The following SYT1 variants were observed in gnomAD, a reference collection of about 807,000 sequenced individuals.
SYT1 encodes the protein synaptotagmin 1.
Under a neutral mutation model 44.8 loss-of-function variants are expected in SYT1, and 8 were observed. The observed-to-expected ratio is 0.18, with a 90% CI of 0.10 to 0.32. SYT1 has a LOEUF of 0.32. SYT1 is among the 10% of genes least tolerant of loss of function. The pLI, the probability that SYT1 is intolerant of heterozygous loss-of-function variation, is 1.00. For synonymous variants in SYT1, 154 were observed against 188.8 expected, an observed-to-expected ratio of 0.82 and a Z score of 1.51; for missense variants, 286 against 509.3, an observed-to-expected ratio of 0.56 and a Z score of 4.22.
At chr12:78,938,300 G>A (rs753707080) in intron 1 of SYT1, among the ~76,000 whole-genome samples, 31 of 152,098 alleles carry the variant, frequency 2.0e-4, no homozygotes, top group Non-Finnish European at 3.5e-4. Flanking sequence ...GATCATGCCA[G>A]TATTCAGTAA....
chr12:78,931,405 G>GAGGAAGGAAGGAAGGAAGGA (rs149496899), intron 1 of SYT1, among the ~76,000 whole-genome samples: 12 of 92,112 alleles, frequency 1.3e-4, no homozygotes, highest in African/African-American at 5.7e-4. Flanking sequence ...AGGGAGGAGA[G>GAGGAAGGAAGGAAGGAAGGA]AGGAAGGAAG....
intron 4 of SYT1, among the ~76,000 whole-genome samples, chr12:79,275,040 G>A (rs1338175031): frequency 1.3e-5 from 2 of 152,118 alleles, no homozygotes; most frequent in East Asian, 1.9e-4. Context: ...AGATCCAGAG[G>A]AGCAGGAGAA....
intron 8 of SYT1, among the ~76,000 whole-genome samples, chr12:79,302,698 C>A (rs552269564): frequency 6.6e-6 from 1 of 152,158 alleles, no homozygotes; most frequent in East Asian, 1.9e-4. Context: ...TGATCGTGTT[C>A]CGCAAATTTA....
At chr12:78,988,411 A>G (rs991696837) in intron 2 of SYT1, among the ~76,000 whole-genome samples, 5 of 146,432 alleles carry the variant, frequency 3.4e-5, no homozygotes, top group African/African-American at 1.0e-4. Context: ...TATATTATAT[A>G]TAATAAATAT....
At chr12:79,099,021 A>C (rs529638488) in intron 3 of SYT1, among the ~76,000 whole-genome samples, 1 of 152,154 alleles carries the variant, frequency 6.6e-6, no homozygotes, top group Non-Finnish European at 1.5e-5. Context: ...AATTTTCTAC[A>C]TTGTAAGCAC....
chr12:79,319,017 G>A (rs150241383), intron 8 of SYT1, among the ~76,000 whole-genome samples: 3 of 152,296 alleles, frequency 2.0e-5, no homozygotes, highest in African/African-American at 7.2e-5. Flanking sequence ...AGAATCAGAG[G>A]AGAGATGTAC....
intron 8 of SYT1, among the ~76,000 whole-genome samples, chr12:79,313,406 T>C (rs1880905426): frequency 6.6e-6 from 1 of 152,178 alleles, no homozygotes; most frequent in Admixed American, 6.5e-5. Flanking sequence ...TCTTTAGCAG[T>C]ATTTGAGGGA....
At chr12:79,391,352 A>G (rs571937992) in intron 9 of SYT1, among the ~76,000 whole-genome samples, 44 of 152,304 alleles carry the variant, frequency 2.9e-4, no homozygotes, top group African/African-American at 9.4e-4. Context: ...AAAGATATAA[A>G]ACAAAAATAA....
chr12:79,001,712 A>G (rs1414360557), intron 2 of SYT1, among the ~76,000 whole-genome samples: 2 of 152,212 alleles, frequency 1.3e-5, no homozygotes, highest in Non-Finnish European at 2.9e-5. Flanking sequence ...ATGAGAGAAC[A>G]GCATATTGTA....
Position 79,305,558 on chromosome 12 carries a change from A to T in SYT1, c.810+6007A>T, listed in dbSNP as rs1880351054. Among the ~76,000 whole-genome samples, 4 of 152,288 alleles carry T rather than the reference A, an allele frequency of 2.6e-5. No homozygotes were observed. The South Asian group carries it at 8.3e-4, about 32-fold the overall frequency. ...CTGACAAAAAAAAAAATCTCATAAC[A>T]TTCTTCAAAATTGGCATTACCAAAT... On this transcript the variant is annotated intron_variant, in intron 8 of 10. Coordinates refer to ENST00000261205, the MANE Select transcript of SYT1 (RefSeq NM_005639.3).
intron 1 of SYT1, among the ~76,000 whole-genome samples, chr12:78,887,477 G>C (rs1419988044): frequency 6.6e-6 from 1 of 151,920 alleles, no homozygotes; most frequent in South Asian, 2.1e-4. Context: ...ATCATATGCT[G>C]AGATCATTAA....
intron 9 of SYT1, among the ~76,000 whole-genome samples, chr12:79,414,840 C>G (rs796452066): frequency 2.0e-5 from 3 of 152,130 alleles, no homozygotes; most frequent in African/African-American, 7.2e-5. Flanking sequence ...GCTGTCCCTG[C>G]CAGATGTAAA....
At chr12:79,049,610 G>A (rs965544427) in intron 3 of SYT1, among the ~76,000 whole-genome samples, 14 of 151,874 alleles carry the variant, frequency 9.2e-5, no homozygotes, top group Non-Finnish European at 1.8e-4. Flanking sequence ...CTAAAGGCTC[G>A]TGAGTTAGTG....
intron 1 of SYT1, among the ~76,000 whole-genome samples, chr12:78,957,832 A>G (rs1485157830): frequency 6.6e-6 from 1 of 152,170 alleles, no homozygotes; most frequent in Non-Finnish European, 1.5e-5. Flanking sequence ...ATCCTACAAA[A>G]TGTAGAAAAT....
chr12:79,143,347 G>A (rs151224858), intron 3 of SYT1, among the ~76,000 whole-genome samples: 1 of 152,266 alleles, frequency 6.6e-6, no homozygotes, highest in African/African-American at 2.4e-5. Flanking sequence ...TTTTAGGTAA[G>A]CTTATGTAAA....
intron 3 of SYT1, among the ~76,000 whole-genome samples, chr12:79,171,306 G>A (rs966441036): frequency 6.6e-6 from 1 of 152,102 alleles, no homozygotes; most frequent in Middle Eastern, 3.4e-3. Context: ...TCATGATATT[G>A]ATTCTTCCTC....
intron 2 of SYT1, among the ~76,000 whole-genome samples, chr12:79,036,972 A>G (rs1419294290): frequency 6.6e-6 from 1 of 151,854 alleles, no homozygotes; most frequent in African/African-American, 2.4e-5. Flanking sequence ...AAGGTTATGG[A>G]CTAAATAGAG....
chr12:79,445,615 A>T (rs1055477260), intron 10 of SYT1, among the ~76,000 whole-genome samples: 10 of 151,958 alleles, frequency 6.6e-5, no homozygotes, highest in Non-Finnish European at 5.9e-5. Flanking sequence ...CCATTGCCAC[A>T]AATGACAGGA....
intron 4 of SYT1, among the ~76,000 whole-genome samples, chr12:79,247,604 G>A (rs912784332): frequency 2.0e-5 from 3 of 152,134 alleles, no homozygotes; most frequent in Admixed American, 6.5e-5. Context: ...ATGGTAGATT[G>A]TTTAGCAACC....
Sources: allele counts gnomAD v4.1 joint callset (sites outside exome capture counted in the v4.1 genomes callset), GRCh38; gene constraint gnomAD v4.1.1; transcripts MANE v1.5; gene names NCBI Gene and HGNC (gene_info 2026-07-23, HGNC 2026-07-21).